IFI16: variants seen among roughly 807,000 people sequenced by gnomAD.
IFI16 encodes interferon gamma inducible protein 16.
A neutral mutation model predicts 68.4 loss-of-function variants in IFI16; 49 were observed. The observed-to-expected ratio is 0.72, with a 90% CI of 0.57 to 0.91. IFI16 has a LOEUF of 0.91. Among genes scored for constraint, IFI16 ranks in the 40% least tolerant of loss-of-function variants. The pLI is 0.00. For missense variants in IFI16, 878 were observed against 942.9 expected (o/e 0.93, Z 0.90); for synonymous variants, 307 against 315.0 (o/e 0.97, Z 0.27).
intron 11 of IFI16, 34 bp downstream of exon 11, chr1:159,053,758 T>G: frequency 6.5e-7 from 1 of 1,530,508 alleles, no homozygotes; most frequent in Non-Finnish European, 9.0e-7. Context: ...TTTTTCCAAG[T>G]GGCGAATCAT....
At chr1:159,053,346 C>T (rs1026868686) in intron 10 of IFI16, 187 bp from the exon 11 acceptor site, 2 of 418,978 alleles carry the variant, frequency 4.8e-6, no homozygotes, top group African/African-American at 2.1e-5. Flanking sequence ...AAAAGAGGCT[C>T]AAGGGAGGAG....
Position 159,051,804 on chromosome 1 carries a change from GA to G in IFI16, c.1795del (p.Met599CysfsTer15). ...TTGTATATGAGCCCAAAGAGCAGAA[GA>G]AAATGTTTCATGCCACAGTGGCAAC... ...SFVYEPKEQK[K>X]MFHATVATEN... On this transcript the variant is annotated frameshift_variant, in exon 10 of 12. Transcript: ENST00000295809. LOFTEE classifies it high-confidence loss of function. 6.2e-7 allele frequency: 1 copy of G among 1,614,132 alleles called. No homozygotes were observed. The highest frequency in any genetic ancestry group is 8.5e-7 in the Non-Finnish European group (1 of 1,179,950).
At chr1:159,027,355 TC>T (rs1421099727) in intron 6 of IFI16, among the ~76,000 whole-genome samples, 3 of 152,214 alleles carry the variant, frequency 2.0e-5, no homozygotes, top group Non-Finnish European at 4.4e-5. Context: ...TGTTAAACCA[TC>T]CCTGCGTCCC....
intron 6 of IFI16, among the ~76,000 whole-genome samples, chr1:159,022,931 AT>A (rs963306587): frequency 5.3e-4 from 80 of 151,414 alleles, no homozygotes; most frequent in Admixed American, 1.8e-3. Context: ...TTTTGACTTA[AT>A]TTTTTTTTGT....
upstream of IFI16, among the ~76,000 whole-genome samples, chr1:159,005,609 C>G (rs1172011153): frequency 1.3e-5 from 2 of 152,150 alleles, no homozygotes; most frequent in Non-Finnish European, 2.9e-5. Context: ...GAATACAAAA[C>G]TGCAATACAG....
Position 159,032,605 on chromosome 1 carries a change from T to G in IFI16, c.1243T>G (p.Ser415Ala). 1.2e-6 allele frequency: 2 copies of G among 1,612,992 alleles called. No homozygotes were observed. Among genetic ancestry groups the G allele is most frequent in the Non-Finnish European group, 1.7e-6 (2 of 1,179,464 alleles). Residue 415 changes from serine (S) to alanine (A), a missense_variant, in exon 7 of 12, where the codon TCA becomes GCA. Physicochemically the swap from Ser to Ala is moderately conservative, Grantham distance 99. Transcript: ENST00000295809. ...PQEQRQLPYP[S>A]EASTTFPESH... is the part of the protein sequence containing the mutation. ...GGAACAGCGTCAGCTTCCATATCCT[T>G]CAGAGGCCAGCACAACCTTCCCTGA...
At chr1:159,022,047 T>C (rs1052094324) in intron 6 of IFI16, among the ~76,000 whole-genome samples, 22 of 139,950 alleles carry the variant, frequency 1.6e-4, no homozygotes, top group African/African-American at 5.5e-4. Context: ...TACTGCAAGC[T>C]CCGCCTCCCG....
intron 8 of IFI16, 30 bp downstream of exon 8, chr1:159,045,494 C>T (rs1454558283): frequency 1.2e-6 from 2 of 1,606,708 alleles, no homozygotes; most frequent in South Asian, 2.2e-5. Context: ...AATACATTCC[C>T]CTCACTACAA....
intron 5 of IFI16, among the ~76,000 whole-genome samples, chr1:159,020,057 AG>A (rs1259797249): frequency 4.6e-5 from 7 of 152,210 alleles, no homozygotes; most frequent in Non-Finnish European, 1.0e-4. Flanking sequence ...CTCTGTATCA[AG>A]GTGCTTTGGG....
Position 159,049,587 on chromosome 1 carries a change from T to C in IFI16, c.1653T>C (p.Ser551=). ...TGCCTCCATCAACACCAAGCAGCAG[T>C]TTCTTAACCACGGTACAAGTTCCCT... ...PQMPPSTPSS[S]FLTTLKPRLK... is the part of the protein sequence containing the mutation. The change falls in exon 9 of 12, where the codon AGT becomes AGC. Residue 551 remains serine, a synonymous_variant. Coordinates refer to ENST00000295809, the MANE Select transcript of IFI16 (RefSeq NM_001376587.1). 3.1e-6 allele frequency: 5 copies of C among 1,606,916 alleles called. No homozygotes were observed. Among genetic ancestry groups the C allele is most frequent in the Non-Finnish European group, 4.2e-6 (5 of 1,177,400 alleles).
At chr1:159,053,934 A>C (rs1406335728) in intron 11 of IFI16, among the ~76,000 whole-genome samples, 2 of 152,244 alleles carry the variant, frequency 1.3e-5, no homozygotes, top group East Asian at 3.8e-4. Flanking sequence ...TTCAAAGGCC[A>C]TGATACCTAA....
At position 159,051,737 on chromosome 1, in the gene IFI16, G is replaced by A. The variant is rs1655370998; in HGVS notation, c.1724G>A (p.Ser575Asn). 2 of 1,614,060 alleles carry A rather than the reference G, an allele frequency of 1.2e-6. No homozygotes were observed. The highest frequency in any genetic ancestry group is 1.3e-5 in the African/African-American group (1 of 75,040). Residue 575 changes from serine to asparagine, a missense_variant, in exon 10 of 12, where the codon AGT becomes AAT. Ser to Asn is a conservative substitution (Grantham distance 46, BLOSUM62 1). Around this residue, in one of 4 missense-constraint regions of IFI16, gnomAD observed 311 missense variants for 305.1 expected, o/e 1.02. Coordinates refer to ENST00000295809, the MANE Select transcript of IFI16 (RefSeq NM_001376587.1). The stretch of plus-strand genomic sequence containing the variant: ...GTTTCCATAGAAGACAGTGCCCAGA[G>A]TGACCTCAAAGAAGTGATGGTGCTG... ...EEVSIEDSAQ[S>N]DLKEVMVLNA...
chr1:159,045,783 A>C (rs1211433358), intron 8 of IFI16, among the ~76,000 whole-genome samples: 5 of 151,298 alleles, frequency 3.3e-5, no homozygotes, highest in African/African-American at 4.8e-5. Flanking sequence ...AACAGAGCCA[A>C]CCATAACACT....
At chr1:159,050,038 C>A (rs1157622959) in intron 9 of IFI16, among the ~76,000 whole-genome samples, 1 of 152,174 alleles carries the variant, frequency 6.6e-6, no homozygotes, top group Non-Finnish European at 1.5e-5. Flanking sequence ...AAATCTCTAT[C>A]TAATGCCACA....
In IFI16 at chr1:159,041,313, C is replaced by G. The variant is rs369234930; in HGVS notation, c.1330-3984C>G. Among the ~76,000 whole-genome samples the G allele has an allele frequency of 7.4e-4, 112 of 152,298 alleles. No homozygotes were observed. The South Asian group carries it at 0.023, about 31-fold the overall frequency. On this transcript the variant is annotated intron_variant, in intron 7 of 11. Coordinates refer to ENST00000295809, the MANE Select transcript of IFI16 (RefSeq NM_001376587.1). ...GCTACTGGGAATTCCCCAGGTGGAA[C>G]GTGGAACCCCTGTGATTACGATTGA...
chr1:159,040,822 T>A (rs1317547124), intron 7 of IFI16, among the ~76,000 whole-genome samples: 1 of 152,218 alleles, frequency 6.6e-6, no homozygotes, highest in Non-Finnish European at 1.5e-5. Context: ...ACCCCATAAA[T>A]ATGATATTGT....
At chr1:159,047,116 A>T (rs1655039069) in intron 8 of IFI16, among the ~76,000 whole-genome samples, 1 of 150,884 alleles carries the variant, frequency 6.6e-6, no homozygotes, top group African/African-American at 2.4e-5. Context: ...CTTGAGGGAT[A>T]GGGAACACTA....
chr1:159,015,830 T>C, intron 2 of IFI16, 42 bp from the exon 3 acceptor site: 1 of 1,449,640 alleles, frequency 6.9e-7, no homozygotes, highest in South Asian at 1.2e-5. Flanking sequence ...TATGTCTTCC[T>C]TTTTTCTGCA....
chr1:159,029,584 T>C (rs1653875723), intron 6 of IFI16, among the ~76,000 whole-genome samples: 1 of 152,182 alleles, frequency 6.6e-6, no homozygotes, highest in African/African-American at 2.4e-5. Flanking sequence ...AATATGTTTT[T>C]CAAACCTTTA....
Sources: gnomAD v4.1 joint callset for allele counts (sites outside exome capture counted in the v4.1 genomes callset) on GRCh38, gnomAD v4.1.1 for gene constraint, gnomAD v4.1.1 regional missense constraint, MANE v1.5 for transcripts, NCBI Gene and HGNC (gene_info 2026-07-23, HGNC 2026-07-21) for gene names.